The following DNAH2 variants were observed in gnomAD, a reference collection of about 807,000 sequenced individuals.
DNAH2 encodes the protein axonemal beta dynein heavy chain 2.
DNAH2 carries 323 observed loss-of-function variants against 523.5 expected under a neutral mutation model. The observed-to-expected ratio is 0.62, with a 90% CI of 0.56 to 0.68. The LOEUF (loss-of-function observed/expected upper bound fraction) is 0.68, where lower values mean the gene tolerates loss of function less well. Ranked by LOEUF, DNAH2 falls within the 30% of genes least tolerant of loss-of-function variation. The probability of loss-of-function intolerance (pLI) is 0.00; values close to 1 mark genes in which losing one functional copy is unlikely to be tolerated. For missense variants in DNAH2, 4,907 were observed against 5,701.5 expected, an observed-to-expected ratio of 0.86 and a Z score of 4.49; for synonymous variants, 2,093 against 2,177.4, an observed-to-expected ratio of 0.96 and a Z score of 1.08.
chr17:7,772,778 T>C (rs2076353250), intron 28 of DNAH2, among the ~76,000 whole-genome samples: 1 of 152,116 alleles, frequency 6.6e-6, no homozygotes, highest in African/African-American at 2.4e-5. Context: ...GTTTGTTTGT[T>C]TGTTTGTTTT....
chr17:7,773,616 C>T (rs890381670), intron 28 of DNAH2, among the ~76,000 whole-genome samples: 6 of 152,200 alleles, frequency 3.9e-5, no homozygotes, highest in Non-Finnish European at 1.5e-5. Context: ...CTTAACTAAG[C>T]ACTTATTACG....
chr17:7,735,903 C>G (rs1420658499), intron 7 of DNAH2, among the ~76,000 whole-genome samples: 1 of 152,066 alleles, frequency 6.6e-6, no homozygotes, highest in Non-Finnish European at 1.5e-5. Flanking sequence ...CAGGTGCCCA[C>G]CACCATGCCT....
chr17:7,737,870 G>A, intron 8 of DNAH2: 1 of 670,300 alleles, frequency 1.5e-6, no homozygotes, highest in East Asian at 2.7e-5. Flanking sequence ...TAAGGAGTAG[G>A]GGGCTGAGAC....
Position 7,733,475 on chromosome 17 carries a change from C to CTTTTTTTTTTTTTTTTTT in DNAH2, c.628+163_628+180dup, listed in dbSNP as rs1199721840. 2.5e-4 allele frequency among the ~76,000 whole-genome samples: 28 copies of CTTTTTTTTTTTTTTTTTT among 113,862 alleles called. 1 individual carries two copies. Among genetic ancestry groups the CTTTTTTTTTTTTTTTTTT allele is most frequent in the African/African-American group, 4.2e-4 (13 of 30,908 alleles). The allele number at this position is 113,862 out of a possible 152,430, so 74.7% of individuals were successfully genotyped here. On this transcript the variant is annotated intron_variant, in intron 5 of 85. Coordinates refer to ENST00000572933, the MANE Select transcript of DNAH2 (RefSeq NM_020877.5). ...AGGGTACAAGATCCGCCTTCTTCTTCTTTTTTTTTTTTTTTTTTTTGAGAT... is the reference window on the plus strand; with the variant it reads ...AGGGTACAAGATCCGCCTTCTTCTTCTTTTTTTTTTTTTTTTTTTTTTTTTTTTTTTTTTTTTTGAGAT...
At position 7,830,935 on chromosome 17, in the gene DNAH2, G is replaced by A. The variant is rs567857381; in HGVS notation, c.12230+93G>A. On this transcript the variant is annotated intron_variant, in intron 79 of 85. Transcript: ENST00000572933. ...TGGGGGTAATGTTTGAGGAGAGGAC[G>A]TGAGATTGGAAGAAGACAGAGTTTG... 3.4e-4 allele frequency: 521 copies of A among 1,554,200 alleles called. 1 individual carries two copies. Among genetic ancestry groups the A allele is most frequent in the Admixed American group, 4.6e-4 (27 of 59,054 alleles).
intron 2 of DNAH2, among the ~76,000 whole-genome samples, chr17:7,721,603 C>T (rs1244165668): frequency 3.3e-5 from 5 of 152,224 alleles, no homozygotes; most frequent in Admixed American, 2.0e-4. Context: ...CTTCCTGCCT[C>T]GGCCTCTGTG....
chr17:7,769,933 T>A (rs1307145996), intron 24 of DNAH2, among the ~76,000 whole-genome samples: 1 of 152,220 alleles, frequency 6.6e-6, no homozygotes, highest in Non-Finnish European at 1.5e-5. Flanking sequence ...TCCTAATTTA[T>A]AGAGTAGCCG....
intron 4 of DNAH2, among the ~76,000 whole-genome samples, chr17:7,727,589 C>T (rs1001199305): frequency 2.0e-5 from 3 of 151,928 alleles, no homozygotes; most frequent in Non-Finnish European, 2.9e-5. Flanking sequence ...AACCCCATCT[C>T]TACTAAAAAT....
chr17:7,723,331 G>A (rs1357194468), intron 2 of DNAH2, among the ~76,000 whole-genome samples: 1 of 139,566 alleles, frequency 7.2e-6, no homozygotes, highest in South Asian at 2.3e-4. Context: ...GGAGGGCAGT[G>A]GCACGATTAT....
chr17:7,772,889 C>T (rs1478615480), intron 28 of DNAH2, among the ~76,000 whole-genome samples: 2 of 152,188 alleles, frequency 1.3e-5, no homozygotes, highest in African/African-American at 4.8e-5. Flanking sequence ...TCTCCTGCCT[C>T]AGCCTCCCAA....
Position 7,819,215 on chromosome 17 carries a change from C to G in DNAH2, c.10822C>G (p.Arg3608Gly). ...CACCCATCCCCACCGGCAGGCTTAC[C>G]GCCCATGCGCCCAGCGGGCATCAAT... The part of the protein sequence containing the change: ...INTDLAREAY[R>G]PCAQRASILF... The change falls in exon 72 of 86, where the codon CGC becomes GGC. Residue 3608 changes from arginine (R) to glycine (G), a missense_variant. This residue lies in a region of DNAH2 where 1,851 missense variants were observed against 2,139.4 expected (regional missense o/e 0.87). Coordinates refer to ENST00000572933, the MANE Select transcript of DNAH2 (RefSeq NM_020877.5). 6.2e-7 allele frequency: 1 copy of G among 1,613,628 alleles called. No homozygotes were observed. Among genetic ancestry groups the G allele is most frequent in the Non-Finnish European group, 8.5e-7 (1 of 1,180,042 alleles).
chr17:7,746,170 G>A (rs1216936187), intron 12 of DNAH2, among the ~76,000 whole-genome samples: 1 of 152,170 alleles, frequency 6.6e-6, no homozygotes, highest in African/African-American at 2.4e-5. Flanking sequence ...TGATGTAACA[G>A]TTTTAGTTTT....
chr17:7,816,366 T>C (rs890263212), intron 63 of DNAH2, among the ~76,000 whole-genome samples: 2 of 152,172 alleles, frequency 1.3e-5, no homozygotes, highest in African/African-American at 4.8e-5. Flanking sequence ...AAAATTCACC[T>C]CATCTCACGT....
At chr17:7,811,397 T>C (rs2077513707) in intron 63 of DNAH2, among the ~76,000 whole-genome samples, 1 of 152,214 alleles carries the variant, frequency 6.6e-6, no homozygotes, top group African/African-American at 2.4e-5. Flanking sequence ...GAGTTAAAAA[T>C]CTAGACTTCA....
Position 7,807,976 on chromosome 17 carries a change from G to A in DNAH2, c.9729+390G>A, listed in dbSNP as rs1321719944. Among the ~76,000 whole-genome samples, 2 of 152,208 alleles carry A rather than the reference G, an allele frequency of 1.3e-5. No homozygotes were observed. The highest frequency in any genetic ancestry group is 4.8e-5 in the African/African-American group (2 of 41,442). On this transcript the variant is annotated intron_variant, in intron 63 of 85. Transcript: ENST00000572933. This position sits in a 1 kb window ranked among gnomAD's most constrained non-coding sequence, Gnocchi z 5.6. ...CGCTTCTGTGGACCAAGAACAACGT[G>A]AGGGTGTCTGTGCATATGTTGTGTG...
chr17:7,816,719 G>A lies in DNAH2; in HGVS notation c.9878G>A (p.Trp3293Ter), dbSNP rs1597753502. The A allele has an allele frequency of 6.2e-7, 1 of 1,613,906 alleles. No homozygotes were observed. The highest frequency in any genetic ancestry group is 8.5e-7 in the Non-Finnish European group (1 of 1,180,032). ...GGGTTGGCTGGCGAGAAGGCCAGATGGGAGGAGACAGTCCAGGTGAGATCA... is the reference window on the plus strand; with the variant it reads ...GGGTTGGCTGGCGAGAAGGCCAGATAGGAGGAGACAGTCCAGGTGAGATCA... Reference protein sequence around the residue: ...VSGLAGEKARWEETVQGLEED... With the variant: ...VSGLAGEKAR The change falls in exon 64 of 86, where the codon TGG becomes TAG. Residue 3293 changes from tryptophan (W) to a stop codon, truncating the protein, a stop_gained. Coordinates refer to ENST00000572933, the MANE Select transcript of DNAH2 (RefSeq NM_020877.5). LOFTEE classifies it high-confidence loss of function.
In DNAH2 at chr17:7,768,195, G is replaced by A. The variant is rs771470080; in HGVS notation, c.3869G>A (p.Arg1290His). ...AACTGGGAAATTATTGAAACCACTCGCTCAAAAATAGAGCAGTTCAAGAGG... is the reference window on the plus strand; with the variant it reads ...AACTGGGAAATTATTGAAACCACTCACTCAAAAATAGAGCAGTTCAAGAGG... ...DRNWEIIETT[R>H]SKIEQFKRTM... Residue 1290 changes from arginine to histidine, a missense_variant, in exon 24 of 86, where the codon CGC becomes CAC. Transcript: ENST00000572933. 8.1e-6 allele frequency: 13 copies of A among 1,613,994 alleles called. No homozygotes were observed. The highest frequency in any genetic ancestry group is 7.7e-5 in the South Asian group (7 of 91,084).
chr17:7,753,508 C>T (rs2075747669), intron 12 of DNAH2, among the ~76,000 whole-genome samples: 2 of 152,154 alleles, frequency 1.3e-5, no homozygotes, highest in Admixed American at 1.3e-4. Flanking sequence ...ACTGTATCCC[C>T]AGCGCCTAGC....
Position 7,822,579 on chromosome 17 carries a change from A to AT in DNAH2, c.11143-858dup, listed in dbSNP as rs2077887841. Among the ~76,000 whole-genome samples the AT allele has an allele frequency of 2.0e-5, 3 of 151,650 alleles. 1 individual carries two copies. Among genetic ancestry groups the AT allele is most frequent in the African/African-American group, 2.4e-5 (1 of 41,296 alleles). On this transcript the variant is annotated intron_variant, in intron 73 of 85. Coordinates refer to ENST00000572933, the MANE Select transcript of DNAH2 (RefSeq NM_020877.5). ...TCCCTTACCCTCCTCAGAGTATCCTATTTTTCCTTGGCACTGCCGTCTTTG... is the reference window on the plus strand; with the variant it reads ...TCCCTTACCCTCCTCAGAGTATCCTATTTTTTCCTTGGCACTGCCGTCTTTG...
Sources: allele counts gnomAD v4.1 joint callset (sites outside exome capture counted in the v4.1 genomes callset), GRCh38; gene constraint gnomAD v4.1.1; regional missense constraint gnomAD v4.1.1; non-coding constraint Gnocchi (gnomAD v3.1); transcripts MANE v1.5; gene names NCBI Gene and HGNC (gene_info 2026-07-23, HGNC 2026-07-21).